Variants in A4GALT observed in about 807,000 individuals in gnomAD.
The protein encoded by A4GALT is alpha 1,4-galactosyltransferase (P1PK blood group), also known as lactosylceramide 4-alpha-galactosyltransferase.
For synonymous variants in A4GALT, 257 were observed against 220.7 expected (o/e 1.16, Z -1.46); for missense variants, 512 against 486.0 (o/e 1.05, Z -0.50).
chr22:42,703,848 A>C (rs2146995318), intron 1 of A4GALT, among the ~76,000 whole-genome samples: 1 of 152,334 alleles, frequency 6.6e-6, no homozygotes, highest in East Asian at 1.9e-4. Context: ...AGAAGGCCAC[A>C]GAGCCAAGAA....
intron 1 of A4GALT, among the ~76,000 whole-genome samples, chr22:42,701,966 G>A (rs1055055829): frequency 2.6e-5 from 4 of 152,118 alleles, no homozygotes; most frequent in Admixed American, 6.6e-5. Context: ...AGTCAATGAC[G>A]GAACCTTCTG....
chr22:42,693,480 A>AGTC lies in A4GALT; in HGVS notation c.469_471dup (p.Asp157dup). The stretch of plus-strand genomic sequence containing the variant: ...CAGCGCCCCTGCACGGCCGCGTACC[A>AGTC]GTCGGCCAGGGGTGTGTCCCGGAAC... On this transcript the variant is annotated inframe_insertion, in exon 3 of 3. Coordinates refer to ENST00000642412, the MANE Select transcript of A4GALT (RefSeq NM_017436.7). 1.2e-6 allele frequency: 2 copies of AGTC among 1,613,128 alleles called. No homozygotes were observed. Among genetic ancestry groups the AGTC allele is most frequent in the Non-Finnish European group, 1.7e-6 (2 of 1,179,964 alleles).
rs759146225 is a variant in A4GALT at position 42,693,438 on chromosome 22, G to C, written c.514C>G (p.Pro172Ala). 6.2e-7 allele frequency: 1 copy of C among 1,613,336 alleles called. No individual in the cohort carries two copies. Among genetic ancestry groups the C allele is most frequent in the Non-Finnish European group, 8.5e-7 (1 of 1,179,998 alleles). ...ATCCTGGAGGCGTCGGAGAGCACGG[G>C]CAGCAGGTAGGGCTCCCAGCGCCCC... Reference protein sequence around the residue: ...VQGRWEPYLLPVLSDASRIAL... With the variant: ...VQGRWEPYLLAVLSDASRIAL... The change falls in exon 3 of 3, where the codon CCC becomes GCC. Residue 172 changes from proline to alanine, a missense_variant. Transcript: ENST00000642412.
intron 1 of A4GALT, among the ~76,000 whole-genome samples, chr22:42,707,973 G>C (rs1019681142): frequency 3.4e-4 from 50 of 148,986 alleles, no homozygotes; most frequent in African/African-American, 1.2e-3. Flanking sequence ...AAAAAAAAAG[G>C]CTGGGTGCGG....
chr22:42,701,308 G>A (rs1250966636), intron 1 of A4GALT, among the ~76,000 whole-genome samples: 2 of 152,202 alleles, frequency 1.3e-5, no homozygotes, highest in African/African-American at 4.8e-5. Context: ...CCAGCACCCA[G>A]GACACAGGTT....
intron 2 of A4GALT, chr22:42,694,598 C>T (rs1164218949): frequency 6.5e-6 from 1 of 152,722 alleles, no homozygotes; most frequent in Non-Finnish European, 1.5e-5. Flanking sequence ...TTAGACCTCT[C>T]TTTCCTGGTG....
At chr22:42,720,673 C>G (rs549272383) in intron 1 of A4GALT, 124 bp downstream of exon 1, 2 of 152,090 alleles carry the variant, frequency 1.3e-5, no homozygotes, top group African/African-American at 2.4e-5. Flanking sequence ...GTGGCCCGGG[C>G]TAGGGCGGCG....
chr22:42,701,269 T>C (rs1370968754), intron 1 of A4GALT, among the ~76,000 whole-genome samples: 3 of 152,212 alleles, frequency 2.0e-5, no homozygotes, highest in African/African-American at 7.2e-5. Context: ...AGGCCACCTC[T>C]CTGAACCTGT....
chr22:42,700,661 T>C (rs1200985759), intron 1 of A4GALT, among the ~76,000 whole-genome samples: 2 of 152,172 alleles, frequency 1.3e-5, no homozygotes, highest in African/African-American at 4.8e-5. Context: ...GCTCCCACTG[T>C]GTCACCAGCC....
At chr22:42,694,743 G>C (rs1380437362) in intron 2 of A4GALT, 3 of 152,318 alleles carry the variant, frequency 2.0e-5, no homozygotes, top group Admixed American at 6.5e-5. Context: ...GTGTGACCTG[G>C]GGCAAGTTAC....
chr22:42,702,866 A>G (rs1920932189), intron 1 of A4GALT, among the ~76,000 whole-genome samples: 1 of 143,950 alleles, frequency 6.9e-6, no homozygotes, highest in Non-Finnish European at 1.5e-5. Flanking sequence ...AGGTTGTCTT[A>G]GCTCAGCCTG....
chr22:42,713,536 G>C (rs1921873685), intron 1 of A4GALT, among the ~76,000 whole-genome samples: 2 of 152,190 alleles, frequency 1.3e-5, no homozygotes, highest in African/African-American at 4.8e-5. Flanking sequence ...TGCTGGCCGG[G>C]CACAGTGGCT....
At chr22:42,700,501 C>T (rs6002910) in intron 1 of A4GALT, among the ~76,000 whole-genome samples, 31,712 of 152,182 alleles carry the variant, frequency 0.21, 3,547 homozygotes, top group East Asian at 0.42. Flanking sequence ...TCAGTGACCA[C>T]GACTGGATAC....
intron 1 of A4GALT, among the ~76,000 whole-genome samples, chr22:42,703,762 C>T (rs1920946280): frequency 6.6e-6 from 1 of 152,146 alleles, no homozygotes; most frequent in African/African-American, 2.4e-5. Context: ...CACATGGGCA[C>T]CTGCTGCTAA....
At chr22:42,721,081 C>CA (rs1922699521), upstream of A4GALT, 1 of 152,214 alleles carries the variant, frequency 6.6e-6, no homozygotes, top group Non-Finnish European at 1.5e-5. Flanking sequence ...CGCTCCCCGG[C>CA]CTCCGCGCCG....
rs573467476 is a variant in A4GALT at position 42,706,151 on chromosome 22, C to G, written c.-187-10520G>C. Among the ~76,000 whole-genome samples, 41 of 74,294 alleles carry G rather than the reference C, an allele frequency of 5.5e-4. 8 individuals carry two copies. Among genetic ancestry groups the G allele is most frequent in the Admixed American group, 8.3e-4 (6 of 7,232 alleles). The allele number at this position is 74,294 out of a possible 152,430, so 48.7% of individuals were successfully genotyped here. ...CGGGCGGATCACGAGGTCAGGAGAT[C>G]GAGACCATCCTGGCTAACACGGTGA... On this transcript the variant is annotated intron_variant, in intron 1 of 2. Transcript: ENST00000642412.
chr22:42,720,564 C>T (rs1467754422), intron 1 of A4GALT, among the ~76,000 whole-genome samples: 1 of 152,100 alleles, frequency 6.6e-6, no homozygotes. Context: ...GCTCCGGGTC[C>T]CGCCGCCGCG....
intron 1 of A4GALT, among the ~76,000 whole-genome samples, chr22:42,707,885 A>C (rs2147013319): frequency 6.6e-6 from 1 of 150,454 alleles, no homozygotes; most frequent in East Asian, 2.0e-4. Context: ...GTAATCTCAG[A>C]GCATTTTGGG....
rs919290682 is a variant in A4GALT, at chr22:42,692,741, C to T, written c.*149G>A. The T allele has an allele frequency of 1.3e-5, 12 of 909,146 alleles. No individual in the cohort carries two copies. Among genetic ancestry groups the T allele is most frequent in the Non-Finnish European group, 1.9e-5 (11 of 574,578 alleles). The allele number at this position is 909,146 out of a possible 1,614,324, so 56.3% of individuals were successfully genotyped here. A position where few individuals can be genotyped will look rare whatever the true frequency, so the allele number is the denominator to read the frequency against. ...TCCTCGGGGTGTCCACAGCCTCCCA[C>T]TGGGCCTGCTCCCACAGCTCCTCAA... On this transcript the variant is annotated 3_prime_UTR_variant, in exon 3 of 3. Coordinates refer to ENST00000642412, the MANE Select transcript of A4GALT (RefSeq NM_017436.7). This position sits in a 1 kb window ranked among gnomAD's most constrained non-coding sequence, Gnocchi z 4.6.
Sources: allele counts gnomAD v4.1 joint callset (sites outside exome capture counted in the v4.1 genomes callset), GRCh38; gene constraint gnomAD v4.1.1; non-coding constraint Gnocchi (gnomAD v3.1); transcripts MANE v1.5; gene names NCBI Gene and HGNC (gene_info 2026-07-23, HGNC 2026-07-21).